Variants in ATG4C observed in about 807,000 individuals in gnomAD.
The protein encoded by ATG4C is cysteine protease ATG4C.
ATG4C carries 56 observed loss-of-function variants against 57.6 expected under a neutral mutation model. The ratio of observed to expected loss-of-function variants is 0.97; its 90% CI spans 0.78 to 1.21. ATG4C has a LOEUF of 1.21. ATG4C is among the 50% of genes most tolerant of loss of function. ATG4C has a pLI of 0.00. For synonymous variants in ATG4C, 157 were observed against 174.1 expected (o/e 0.90, Z 0.78); for missense variants, 595 against 529.8 (o/e 1.12, Z -1.21).
At chr1:62,831,885 A>G (rs1665853754) in intron 7 of ATG4C, among the ~76,000 whole-genome samples, 1 of 152,194 alleles carries the variant, frequency 6.6e-6, no homozygotes. Context: ...CGTTACTTAG[A>G]ACCATTCATT....
chr1:62,828,954 C>A (rs576317769), intron 6 of ATG4C, 86 bp from the exon 7 acceptor site: 2 of 1,212,726 alleles, frequency 1.6e-6, no homozygotes, highest in Admixed American at 2.4e-5. Flanking sequence ...CTGTCCATTG[C>A]GGGGTGGAGG....
chr1:62,835,477 G>T, intron 9 of ATG4C: 2 of 259,546 alleles, frequency 7.7e-6, no homozygotes, highest in Non-Finnish European at 1.6e-5. Flanking sequence ...TGTTTTCCCA[G>T]TTGGTGCTTT....
chr1:62,789,674 G>C (rs1664205065), intron 1 of ATG4C, among the ~76,000 whole-genome samples: 1 of 152,000 alleles, frequency 6.6e-6, no homozygotes, highest in Non-Finnish European at 1.5e-5. Flanking sequence ...CAAATGAGCC[G>C]GGCGTGGTGG....
intron 10 of ATG4C, among the ~76,000 whole-genome samples, chr1:62,843,138 T>C (rs1027315004): frequency 2.6e-5 from 4 of 152,074 alleles, no homozygotes; most frequent in African/African-American, 9.7e-5. Flanking sequence ...ACCAGATTAT[T>C]ATTACCAAAT....
intron 4 of ATG4C, 104 bp from the exon 5 acceptor site, chr1:62,818,901 G>A (rs1665377045): frequency 3.3e-6 from 3 of 913,160 alleles, no homozygotes; most frequent in East Asian, 2.6e-5. Context: ...TGAATTTACT[G>A]TCTTAGTAAC....
intron 5 of ATG4C, among the ~76,000 whole-genome samples, chr1:62,819,735 T>G (rs978846681): frequency 6.6e-6 from 1 of 151,972 alleles, no homozygotes; most frequent in Non-Finnish European, 1.5e-5. Context: ...GAGCTAAAAT[T>G]GATATTTTCG....
rs368901012 is a variant in ATG4C at position 62,821,528 on chromosome 1, C to T, written c.796+319C>T. 3.2e-4 allele frequency among the ~76,000 whole-genome samples: 49 copies of T among 152,074 alleles called. 1 individual carries two copies. The highest frequency in any genetic ancestry group is 1.7e-3 in the Admixed American group (26 of 15,284). On this transcript the variant is annotated intron_variant, in intron 6 of 10. Transcript: ENST00000317868. ...TGCTGGGAACCATTTCATTGGTGGA[C>T]GTGTTTCAAGGAAAGAAAATTCTTA...
At chr1:62,817,299 G>T (rs1160465014) in intron 4 of ATG4C, among the ~76,000 whole-genome samples, 1 of 152,034 alleles carries the variant, frequency 6.6e-6, no homozygotes, top group Non-Finnish European at 1.5e-5. Flanking sequence ...ATCTTTATTA[G>T]TGTGATTATA....
intron 10 of ATG4C, among the ~76,000 whole-genome samples, chr1:62,860,990 C>T (rs896645862): frequency 2.6e-5 from 4 of 152,142 alleles, no homozygotes; most frequent in African/African-American, 4.8e-5. Context: ...CCTGTCAACT[C>T]AGTACTTAGG....
At chr1:62,799,943 G>A (rs1333519656) in intron 1 of ATG4C, among the ~76,000 whole-genome samples, 1 of 150,600 alleles carries the variant, frequency 6.6e-6, no homozygotes, top group African/African-American at 2.5e-5. Flanking sequence ...CCTAGCCGCT[G>A]GTAACCATCC....
Position 62,805,224 on chromosome 1 carries a change from G to T in ATG4C, c.129G>T (p.Leu43Phe). The T allele has an allele frequency of 1.3e-6, 2 of 1,505,438 alleles. No individual in the cohort carries two copies. Among genetic ancestry groups the T allele is most frequent in the Non-Finnish European group, 8.8e-7 (1 of 1,136,668 alleles). 93.3% of individuals were successfully genotyped at this position (1,505,438 alleles called of 1,614,324 possible). A position where few individuals can be genotyped will look rare whatever the true frequency, so the allele number is the denominator to read the frequency against. ...TTAGTAGAAATTCTCCTGTATTATT[G>T]CTTGGAAAATGTTACCATTTTAAAT... ...TYFSRNSPVL[L>F]LGKCYHFKYE... Residue 43 changes from leucine (L) to phenylalanine (F), a missense_variant, in exon 3 of 11, where the codon TTG becomes TTT. By Grantham distance (22) the Leu-to-Phe change is conservative. Coordinates refer to ENST00000317868, the MANE Select transcript of ATG4C (RefSeq NM_032852.4).
intron 1 of ATG4C, among the ~76,000 whole-genome samples, chr1:62,801,978 A>AG (rs1225245041): frequency 8.6e-4 from 124 of 143,860 alleles, no homozygotes; most frequent in African/African-American, 3.1e-3. Context: ...AAAAAAAAAA[A>AG]AAAAAAAGAA....
At chr1:62,799,780 C>A (rs1415148986) in intron 1 of ATG4C, among the ~76,000 whole-genome samples, 1 of 152,026 alleles carries the variant, frequency 6.6e-6, no homozygotes, top group Non-Finnish European at 1.5e-5. Flanking sequence ...TCCAGTTATG[C>A]TCTTTTAGTT....
Position 62,864,595 on chromosome 1 carries a change from C to CA in ATG4C, c.*436_*437insA, listed in dbSNP as rs1172234841. 1 of 156,526 alleles carries CA rather than the reference C, an allele frequency of 6.4e-6. No individual in the cohort carries two copies. Among genetic ancestry groups the CA allele is most frequent in the African/African-American group, 2.4e-5 (1 of 41,440 alleles). The allele number at this position is 156,526 out of a possible 1,614,324, so 9.7% of individuals were successfully genotyped here. A position where few individuals can be genotyped will look rare whatever the true frequency, so the allele number is the denominator to read the frequency against. ...AACTTTAATGCTGTCTAGCCTCCTGCTATTAATGCAATCAAAGAATACTTT... is the reference window on the plus strand; with the variant it reads ...AACTTTAATGCTGTCTAGCCTCCTGCATATTAATGCAATCAAAGAATACTTT... On this transcript the variant is annotated 3_prime_UTR_variant, in exon 11 of 11. Coordinates refer to ENST00000317868, the MANE Select transcript of ATG4C (RefSeq NM_032852.4).
chr1:62,836,467 T>C (rs1666002539), intron 9 of ATG4C, among the ~76,000 whole-genome samples: 1 of 152,094 alleles, frequency 6.6e-6, no homozygotes, highest in African/African-American at 2.4e-5. Context: ...AAGGGATTTA[T>C]TTTAGTTATA....
intron 5 of ATG4C, among the ~76,000 whole-genome samples, chr1:62,820,855 T>A (rs1453952298): frequency 6.6e-6 from 1 of 152,060 alleles, no homozygotes; most frequent in Non-Finnish European, 1.5e-5. Context: ...AGAGAAATCC[T>A]TCTTTTTGGA....
chr1:62,827,564 A>G (rs994582288), intron 6 of ATG4C, among the ~76,000 whole-genome samples: 1 of 152,046 alleles, frequency 6.6e-6, no homozygotes, highest in East Asian at 1.9e-4. Flanking sequence ...AAGAGTGGGA[A>G]TTTTTCTGTT....
At chr1:62,828,227 T>G (rs541820850) in intron 6 of ATG4C, among the ~76,000 whole-genome samples, 14 of 152,152 alleles carry the variant, frequency 9.2e-5, no homozygotes, top group Non-Finnish European at 2.1e-4. Flanking sequence ...ATTGCTATAC[T>G]GCTTTCTACA....
At chr1:62,811,813 G>C (rs779441125) in intron 3 of ATG4C, among the ~76,000 whole-genome samples, 1 of 152,126 alleles carries the variant, frequency 6.6e-6, no homozygotes, top group Non-Finnish European at 1.5e-5. Context: ...TAACGTCATA[G>C]ATAGTTCTTG....
Sources: allele counts gnomAD v4.1 joint callset (sites outside exome capture counted in the v4.1 genomes callset), GRCh38; gene constraint gnomAD v4.1.1; transcripts MANE v1.5; gene names NCBI Gene and HGNC (gene_info 2026-07-23, HGNC 2026-07-21).